Variants in GOLGA7B observed in about 807,000 individuals in gnomAD.
GOLGA7B encodes golgin A7 family member B.
GOLGA7B carries 17 observed loss-of-function variants against 21.5 expected under a neutral mutation model. The observed-to-expected ratio is 0.79, with a 90% CI of 0.54 to 1.19. The LOEUF is 1.19. Ranked by LOEUF, GOLGA7B falls within the 50% of genes most tolerant of loss-of-function variation. The pLI is 0.00. For missense variants in GOLGA7B, 169 were observed against 224.4 expected, an observed-to-expected ratio of 0.75 and a Z score of 1.58; for synonymous variants, 87 against 84.0, an observed-to-expected ratio of 1.04 and a Z score of -0.19.
Position 97,867,840 on chromosome 10 carries a change from C to G in GOLGA7B, c.*2140C>G, listed in dbSNP as rs1354522410. 1 of 152,200 alleles carries G rather than the reference C, an allele frequency of 6.6e-6. No homozygotes were observed. Among genetic ancestry groups the G allele is most frequent in the African/African-American group, 2.4e-5 (1 of 41,414 alleles). The allele number at this position is 152,200 out of a possible 1,614,324, so 9.4% of individuals were successfully genotyped here. On this transcript the variant is annotated 3_prime_UTR_variant, in exon 5 of 5. Transcript: ENST00000370602. Reference sequence around the variant, plus strand: ...GGGATACTCAGCTGCCTGAACTGGACCTGACATGGGGAGCAGGATGAACTC... The same window carrying G: ...GGGATACTCAGCTGCCTGAACTGGAGCTGACATGGGGAGCAGGATGAACTC...
chr10:97,855,234 T>C (rs1036087142), intron 1 of GOLGA7B, among the ~76,000 whole-genome samples: 6 of 152,052 alleles, frequency 3.9e-5, no homozygotes, highest in Admixed American at 3.9e-4. Context: ...AGCAACATCG[T>C]TTTTCACAGT....
chr10:97,850,375 G>A (rs564259305), intron 1 of GOLGA7B, 60 bp downstream of exon 1: 118 of 1,456,336 alleles, frequency 8.1e-5, no homozygotes, highest in Non-Finnish European at 9.9e-5. Flanking sequence ...AAATGCCCTA[G>A]GGGTGGGCTG....
In GOLGA7B at chr10:97,865,813, CT is replaced by C; in HGVS notation, c.*114del. On this transcript the variant is annotated 3_prime_UTR_variant, in exon 5 of 5. Coordinates refer to ENST00000370602, the MANE Select transcript of GOLGA7B (RefSeq NM_001010917.3). ...TGAGTCATTCTTTGGGCTCACCCTG[CT>C]GCCCGGGGTGGGAGGGAGGGTGACG... 1.8e-6 allele frequency: 1 copy of C among 564,792 alleles called. No homozygotes were observed. 35.0% of individuals were successfully genotyped at this position (564,792 alleles called of 1,614,324 possible). A position where few individuals can be genotyped will look rare whatever the true frequency, so the allele number is the denominator to read the frequency against.
chr10:97,859,656 ATC>A, intron 2 of GOLGA7B, 73 bp downstream of exon 2: 1 of 1,517,720 alleles, frequency 6.6e-7, no homozygotes, highest in South Asian at 1.2e-5. Context: ...AATGTATTTT[ATC>A]CAGGATCCTA....
chr10:97,860,604 C>G (rs547751705), intron 2 of GOLGA7B, among the ~76,000 whole-genome samples: 1 of 152,308 alleles, frequency 6.6e-6, no homozygotes, highest in Non-Finnish European at 1.5e-5. Context: ...CCGCCCTCCT[C>G]GGCCTCCCAA....
rs2050093816 is a variant in GOLGA7B, at chr10:97,871,570, A to T, written c.*5870A>T. 1 of 152,236 alleles carries T rather than the reference A, an allele frequency of 6.6e-6. No individual in the cohort carries two copies. The allele number at this position is 152,236 out of a possible 1,614,324, so 9.4% of individuals were successfully genotyped here. Reference sequence around the variant, plus strand: ...TGATTCCCGAATAAATGCCAGGAACATTCATGTACATTATTATTCCATTTA... The same window carrying T: ...TGATTCCCGAATAAATGCCAGGAACTTTCATGTACATTATTATTCCATTTA... On this transcript the variant is annotated 3_prime_UTR_variant, in exon 5 of 5. Transcript: ENST00000370602.
rs147555692 is a variant in GOLGA7B, at chr10:97,859,565, C to T, written c.120C>T (p.Pro40=). The change falls in exon 2 of 5, where the codon CCC becomes CCT. Residue 40 remains proline, a synonymous_variant. Transcript: ENST00000370602. ...GTICQFQTKF[P]PELDSRIERQ... ...TCTGTCAGTTCCAGACCAAATTCCC[C>T]CCAGAGCTGGACAGCCGGGTAAGGA... is the stretch of plus-strand genomic sequence containing the variant. The T allele has an allele frequency of 4.5e-5, 72 of 1,614,000 alleles. No homozygotes were observed. The highest frequency in any genetic ancestry group is 5.7e-5 in the Non-Finnish European group (67 of 1,180,022).
Position 97,866,302 on chromosome 10 carries a change from G to C in GOLGA7B, c.*602G>C, listed in dbSNP as rs1436285919. Reference sequence around the variant, plus strand: ...CCTCTTCTAGACCTATGGCTTTCCTGTCCTGCATTCAGAGCTAGAGGCCAG... The same window carrying C: ...CCTCTTCTAGACCTATGGCTTTCCTCTCCTGCATTCAGAGCTAGAGGCCAG... On this transcript the variant is annotated 3_prime_UTR_variant, in exon 5 of 5. Transcript: ENST00000370602. 1 of 152,268 alleles carries C rather than the reference G, an allele frequency of 6.6e-6. No individual in the cohort carries two copies. The highest frequency in any genetic ancestry group is 1.5e-5 in the Non-Finnish European group (1 of 68,098). 9.4% of individuals were successfully genotyped at this position (152,268 alleles called of 1,614,324 possible). A position where few individuals can be genotyped will look rare whatever the true frequency, so the allele number is the denominator to read the frequency against.
At chr10:97,861,880 G>A (rs957747528) in intron 2 of GOLGA7B, among the ~76,000 whole-genome samples, 2 of 152,220 alleles carry the variant, frequency 1.3e-5, no homozygotes, top group East Asian at 3.8e-4. Flanking sequence ...ATTTTCATAG[G>A]ATTTTCTCTA....
chr10:97,865,616 G>C lies in GOLGA7B; in HGVS notation c.420G>C (p.Arg140=), dbSNP rs769079985. 3.1e-6 allele frequency: 5 copies of C among 1,613,638 alleles called. No individual in the cohort carries two copies. The highest frequency in any genetic ancestry group is 4.2e-6 in the Non-Finnish European group (5 of 1,179,716). The part of the protein sequence containing the change: ...RVIEISIYED[R]CSSGSSSSGS... ...TTGAGATCTCCATCTACGAGGACCG[G>C]TGCAGCAGTGGCAGCTCCAGCAGCG... Residue 140 remains arginine (R), a synonymous_variant, in exon 5 of 5, where the codon CGG becomes CGC. Coordinates refer to ENST00000370602, the MANE Select transcript of GOLGA7B (RefSeq NM_001010917.3).
intron 4 of GOLGA7B, 151 bp downstream of exon 4, chr10:97,864,420 C>T (rs2049996468): frequency 3.2e-6 from 2 of 626,032 alleles, no homozygotes; most frequent in Non-Finnish European, 5.6e-6. Flanking sequence ...CCTCCTCCAC[C>T]ACCCTAAGTT....
chr10:97,862,424 C>T (rs2049976828), intron 2 of GOLGA7B, among the ~76,000 whole-genome samples: 1 of 152,144 alleles, frequency 6.6e-6, no homozygotes, highest in Non-Finnish European at 1.5e-5. Context: ...TTAATACAAA[C>T]AGTTTATTAA....
At chr10:97,864,838 G>C (rs776641942) in intron 4 of GOLGA7B, among the ~76,000 whole-genome samples, 1 of 152,188 alleles carries the variant, frequency 6.6e-6, no homozygotes, top group Non-Finnish European at 1.5e-5. Flanking sequence ...GGACGGGGGT[G>C]GGGCGTGGTT....
Position 97,866,646 on chromosome 10 carries a change from G to A in GOLGA7B, c.*946G>A, listed in dbSNP as rs1375433334. 1 of 152,232 alleles carries A rather than the reference G, an allele frequency of 6.6e-6. No homozygotes were observed. Among genetic ancestry groups the A allele is most frequent in the African/African-American group, 2.4e-5 (1 of 41,428 alleles). 9.4% of individuals were successfully genotyped at this position (152,232 alleles called of 1,614,324 possible). A position where few individuals can be genotyped will look rare whatever the true frequency, so the allele number is the denominator to read the frequency against. The stretch of plus-strand genomic sequence containing the variant: ...CATGTGTGTGCACCAGTGCACAAGT[G>A]TATGAATGTGGACACATTTATAAGC... On this transcript the variant is annotated 3_prime_UTR_variant, in exon 5 of 5. Coordinates refer to ENST00000370602, the MANE Select transcript of GOLGA7B (RefSeq NM_001010917.3).
At chr10:97,860,673 T>G (rs1439658144) in intron 2 of GOLGA7B, among the ~76,000 whole-genome samples, 1 of 152,226 alleles carries the variant, frequency 6.6e-6, no homozygotes, top group Non-Finnish European at 1.5e-5. Context: ...GTCTTAAGCC[T>G]TAATTTTTAA....
chr10:97,864,781 T>C (rs2050001126), intron 4 of GOLGA7B, among the ~76,000 whole-genome samples: 3 of 152,176 alleles, frequency 2.0e-5, no homozygotes, highest in Non-Finnish European at 2.9e-5. Flanking sequence ...AGACATGAGG[T>C]CTAGAATGAT....
intron 1 of GOLGA7B, among the ~76,000 whole-genome samples, chr10:97,853,068 T>C (rs56089344): frequency 0.039 from 6,014 of 152,294 alleles, 137 homozygotes; most frequent in African/African-American, 0.051. Flanking sequence ...CAAGTAGCGT[T>C]ATTCAAGCAG....
At position 97,865,823 on chromosome 10, in the gene GOLGA7B, TGGGAGGGA is replaced by T; in HGVS notation, c.*127_*134del. ...TTTGGGCTCACCCTGCTGCCCGGGGTGGGAGGGAGGGTGACGGGCCTCATATTTCCTGT... is the reference window on the plus strand; with the variant it reads ...TTTGGGCTCACCCTGCTGCCCGGGGTGGGTGACGGGCCTCATATTTCCTGT... On this transcript the variant is annotated 3_prime_UTR_variant, in exon 5 of 5. Transcript: ENST00000370602. The T allele has an allele frequency of 1.4e-4, 58 of 423,938 alleles. No individual in the cohort carries two copies. Among genetic ancestry groups the T allele is most frequent in the East Asian group, 5.4e-4 (9 of 16,544 alleles). The allele number at this position is 423,938 out of a possible 1,614,324, so 26.3% of individuals were successfully genotyped here.
At chr10:97,851,299 G>T (rs1415548125) in intron 1 of GOLGA7B, among the ~76,000 whole-genome samples, 3 of 152,164 alleles carry the variant, frequency 2.0e-5, no homozygotes, top group Non-Finnish European at 4.4e-5. Flanking sequence ...GGCATACACT[G>T]GGGGAGAGCA....
Sources: gnomAD v4.1 joint callset for allele counts (sites outside exome capture counted in the v4.1 genomes callset) on GRCh38, gnomAD v4.1.1 for gene constraint, MANE v1.5 for transcripts, NCBI Gene and HGNC (gene_info 2026-07-23, HGNC 2026-07-21) for gene names.